Variants in DGKH observed in about 807,000 individuals in gnomAD.
DGKH encodes the protein DAG kinase eta.
In DGKH, 90 loss-of-function variants were observed where a neutral mutation model predicts 159.3. The ratio of observed to expected loss-of-function variants is 0.57; its 90% CI spans 0.48 to 0.67. DGKH has a LOEUF of 0.67. Ranked by LOEUF, DGKH falls within the 30% of genes least tolerant of loss-of-function variation. The pLI, the probability that DGKH is intolerant of heterozygous loss-of-function variation, is 0.00. For synonymous variants in DGKH, 536 were observed against 553.8 expected (o/e 0.97, Z 0.45); for missense variants, 1,181 against 1,506.1 (o/e 0.78, Z 3.57).
In DGKH at chr13:42,229,367, T is replaced by G; in HGVS notation, c.*179T>G. ...TTTGAGGTATTAGAAAATATTTTTG[T>G]GCCGAACAATACATTCCACAAAGCC... On this transcript the variant is annotated 3_prime_UTR_variant, in exon 30 of 30. Transcript: ENST00000337343. 3.6e-6 allele frequency: 2 copies of G among 556,836 alleles called. No individual in the cohort carries two copies. Among genetic ancestry groups the G allele is most frequent in the Non-Finnish European group, 6.2e-6 (2 of 324,610 alleles). 34.5% of individuals were successfully genotyped at this position (556,836 alleles called of 1,614,324 possible).
intron 13 of DGKH, among the ~76,000 whole-genome samples, chr13:42,179,218 T>TGCTGCA (rs1451861287): frequency 1.3e-5 from 2 of 152,246 alleles, no homozygotes; most frequent in African/African-American, 4.8e-5. Flanking sequence ...TGGCGGGCAG[T>TGCTGCA]GCTGCAGGTT....
At position 42,250,299 on chromosome 13, in the gene DGKH, T is replaced by G. The variant is rs145088867; in HGVS notation, n.4055-2110T>G. 2.5e-3 allele frequency among the ~76,000 whole-genome samples: 383 copies of G among 152,226 alleles called. 1 individual carries two copies. The highest frequency in any genetic ancestry group is 8.9e-3 in the African/African-American group (371 of 41,500). On this transcript the variant is annotated intron_variant and non_coding_transcript_variant, in intron 29 of 30. Coordinates refer to the DGKH transcript ENST00000498255. Reference sequence around the variant, plus strand: ...AGCTCCTATTTAAAAAAAAAAAAGTTTATAATTAACACGTAATTGTACATT... The same window carrying G: ...AGCTCCTATTTAAAAAAAAAAAAGTGTATAATTAACACGTAATTGTACATT...
intron 1 of DGKH, among the ~76,000 whole-genome samples, chr13:42,068,391 C>T (rs1266664772): frequency 1.3e-5 from 2 of 152,038 alleles, no homozygotes; most frequent in Non-Finnish European, 2.9e-5. Flanking sequence ...AATAGAAGTG[C>T]GTTTTGTGAA....
chr13:42,058,429 T>C (rs1374916155), intron 1 of DGKH, among the ~76,000 whole-genome samples: 1 of 152,200 alleles, frequency 6.6e-6, no homozygotes, highest in African/African-American at 2.4e-5. Flanking sequence ...TATTGAACTC[T>C]TGAATATAAA....
chr13:42,228,994 A>G (rs369829), intron 29 of DGKH, 105 bp from the exon 30 acceptor site: 473,836 of 938,456 alleles, frequency 0.5, 121,348 homozygotes, highest in East Asian at 0.68. Context: ...CCAATTTTCT[A>G]TTTTCAATAA....
chr13:42,234,177 G>C lies in DGKH; in HGVS notation c.*4989G>C, dbSNP rs909829811. The C allele has an allele frequency of 6.6e-6, 1 of 151,984 alleles. No individual in the cohort carries two copies. The highest frequency in any genetic ancestry group is 2.4e-5 in the African/African-American group (1 of 41,356). 9.4% of individuals were successfully genotyped at this position (151,984 alleles called of 1,614,324 possible). ...TTTTTCCCAATGAGACTTATTTTCA[G>C]GAATCCTTCTCTTAATAACTTTTAC... On this transcript the variant is annotated 3_prime_UTR_variant, in exon 30 of 30. Transcript: ENST00000337343.
intron 1 of DGKH, among the ~76,000 whole-genome samples, chr13:42,103,915 C>T (rs1243822123): frequency 6.6e-6 from 1 of 152,086 alleles, no homozygotes; most frequent in African/African-American, 2.4e-5. Context: ...TATAACTAAT[C>T]AAAAATGAGT....
intron 13 of DGKH, among the ~76,000 whole-genome samples, chr13:42,182,486 A>G (rs1182438343): frequency 6.6e-6 from 1 of 152,208 alleles, no homozygotes; most frequent in African/African-American, 2.4e-5. Flanking sequence ...AGAAAATGCC[A>G]TAGTATTTGC....
Position 42,187,073 on chromosome 13 carries a change from C to T in DGKH, c.1563C>T (p.Asp521=), listed in dbSNP as rs1296420753. Residue 521 remains aspartate, a synonymous_variant, in exon 14 of 30, where the codon GAC becomes GAT. Transcript: ENST00000337343. ...GGACGCTATGTGAAACTGTAAAGGA[C>T]TTCGTTGCCAAAGTAGAAAAGACGT... The part of the protein sequence containing the change: ...SAKTLCETVK[D]FVAKVEKTYD... The T allele has an allele frequency of 1.2e-6, 2 of 1,613,952 alleles. No individual in the cohort carries two copies. Among genetic ancestry groups the T allele is most frequent in the Non-Finnish European group, 1.7e-6 (2 of 1,179,972 alleles).
chr13:42,236,579 A>G lies in DGKH; in HGVS notation c.*7391A>G, dbSNP rs1270274849. Reference sequence around the variant, plus strand: ...GTAGCCAATTCTCAGTTTTAGTTGAAGAGAGATCTCAGTGATTGTACTGCC... The same window carrying G: ...GTAGCCAATTCTCAGTTTTAGTTGAGGAGAGATCTCAGTGATTGTACTGCC... On this transcript the variant is annotated 3_prime_UTR_variant, in exon 30 of 30. Coordinates refer to ENST00000337343, the MANE Select transcript of DGKH (RefSeq NM_178009.5). 1 of 152,204 alleles carries G rather than the reference A, an allele frequency of 6.6e-6. No homozygotes were observed. The highest frequency in any genetic ancestry group is 1.5e-5 in the Non-Finnish European group (1 of 68,036). The allele number at this position is 152,204 out of a possible 1,614,324, so 9.4% of individuals were successfully genotyped here. A position where few individuals can be genotyped will look rare whatever the true frequency, so the allele number is the denominator to read the frequency against.
At chr13:42,223,032 A>G (rs1166457566) in intron 29 of DGKH, among the ~76,000 whole-genome samples, 5 of 152,230 alleles carry the variant, frequency 3.3e-5, no homozygotes, top group Non-Finnish European at 7.3e-5. Flanking sequence ...AATGCAAATT[A>G]CATTCTCTCT....
chr13:42,239,231 A>T lies in DGKH; in HGVS notation c.*10043A>T, dbSNP rs1015531051. ...ACAGATTATAATTGCGCAGCATTTTAAAAAAATATACATAATTATGAGGAT... is the reference window on the plus strand; with the variant it reads ...ACAGATTATAATTGCGCAGCATTTTTAAAAAATATACATAATTATGAGGAT... On this transcript the variant is annotated 3_prime_UTR_variant, in exon 30 of 30. Coordinates refer to ENST00000337343, the MANE Select transcript of DGKH (RefSeq NM_178009.5). 4 of 152,194 alleles carry T rather than the reference A, an allele frequency of 2.6e-5. No homozygotes were observed. The highest frequency in any genetic ancestry group is 7.2e-5 in the African/African-American group (3 of 41,450). The allele number at this position is 152,194 out of a possible 1,614,324, so 9.4% of individuals were successfully genotyped here.
At chr13:42,163,431 C>T (rs9594691) in intron 7 of DGKH, among the ~76,000 whole-genome samples, 19,195 of 152,000 alleles carry the variant, frequency 0.13, 1,579 homozygotes, top group Admixed American at 0.22. Flanking sequence ...CCTGAGGAAT[C>T]GCCACACTGA....
rs1227180236 is a variant in DGKH, at chr13:42,230,347, A to T, written c.*1159A>T. ...TTTTTCTTAAGGGCTTTATGTTGTTATTATTATTATCTCACTTAATTCTTA... is the reference window on the plus strand; with the variant it reads ...TTTTTCTTAAGGGCTTTATGTTGTTTTTATTATTATCTCACTTAATTCTTA... On this transcript the variant is annotated 3_prime_UTR_variant, in exon 30 of 30. Coordinates refer to ENST00000337343, the MANE Select transcript of DGKH (RefSeq NM_178009.5). 6.6e-6 allele frequency: 1 copy of T among 152,052 alleles called. No homozygotes were observed. The highest frequency in any genetic ancestry group is 2.4e-5 in the African/African-American group (1 of 41,428). 9.4% of individuals were successfully genotyped at this position (152,052 alleles called of 1,614,324 possible). A position where few individuals can be genotyped will look rare whatever the true frequency, so the allele number is the denominator to read the frequency against.
intron 3 of DGKH, among the ~76,000 whole-genome samples, chr13:42,151,181 A>G (rs2137931644): frequency 6.6e-6 from 1 of 152,170 alleles, no homozygotes; most frequent in East Asian, 1.9e-4. Flanking sequence ...TATTACATGG[A>G]TATATTGCAT....
intron 14 of DGKH, among the ~76,000 whole-genome samples, chr13:42,187,628 A>G (rs1338010857): frequency 1.3e-5 from 2 of 152,124 alleles, no homozygotes; most frequent in African/African-American, 4.8e-5. Context: ...CGTCCACCTC[A>G]GCCTCCCAAA....
chr13:42,178,112 G>T (rs746201234), intron 12 of DGKH, 23 bp from the exon 13 acceptor site: 1 of 1,589,718 alleles, frequency 6.3e-7, no homozygotes, highest in Non-Finnish European at 8.6e-7. Flanking sequence ...CAATAATACA[G>T]TGTAGAGTTT....
Position 42,118,045 on chromosome 13 carries a change from G to A in DGKH, c.193-9418G>A, listed in dbSNP as rs557851082. 3.9e-5 allele frequency among the ~76,000 whole-genome samples: 6 copies of A among 152,160 alleles called. No individual in the cohort carries two copies. The South Asian group carries it at 1.0e-3, about 26-fold the overall frequency. ...ATCTTGGCTAACATGGTGAAACCCC[G>A]TCTCTACCAAAAAGACAAAAAATTA... On this transcript the variant is annotated intron_variant, in intron 1 of 29. Transcript: ENST00000337343.
intron 3 of DGKH, among the ~76,000 whole-genome samples, chr13:42,139,838 A>G (rs554057340): frequency 6.6e-6 from 1 of 152,366 alleles, no homozygotes; most frequent in East Asian, 1.9e-4. Flanking sequence ...TTTAAAGGCT[A>G]TGCTGCCTGC....
Sources: allele counts gnomAD v4.1 joint callset (sites outside exome capture counted in the v4.1 genomes callset), GRCh38; gene constraint gnomAD v4.1.1; transcripts MANE v1.5; gene names NCBI Gene and HGNC (gene_info 2026-07-23, HGNC 2026-07-21).